The following PCCA variants were observed in gnomAD, a reference collection of about 807,000 sequenced individuals.
PCCA encodes propionyl-CoA carboxylase alpha chain, mitochondrial.
PCCA carries 74 observed loss-of-function variants against 101.3 expected under a neutral mutation model. The ratio of observed to expected loss-of-function variants is 0.73; its 90% confidence interval spans 0.61 to 0.89. The LOEUF is 0.89. Ranked by LOEUF, PCCA falls within the 40% of genes least tolerant of loss-of-function variation. The probability of loss-of-function intolerance (pLI) is 0.00; values close to 1 mark genes in which losing one functional copy is unlikely to be tolerated. For synonymous variants in PCCA, 294 were observed against 313.6 expected, an observed-to-expected ratio of 0.94 and a Z score of 0.66; for missense variants, 891 against 907.0, an observed-to-expected ratio of 0.98 and a Z score of 0.23.
chr13:100,270,506 A>G (rs751836774), intron 11 of PCCA, among the ~76,000 whole-genome samples: 17 of 152,204 alleles, frequency 1.1e-4, no homozygotes, highest in Non-Finnish European at 2.1e-4. Context: ...GGAACCTTGA[A>G]TCATAAAATG....
At chr13:100,420,084 C>T (rs1324394050) in intron 19 of PCCA, among the ~76,000 whole-genome samples, 1 of 152,212 alleles carries the variant, frequency 6.6e-6, no homozygotes, top group Non-Finnish European at 1.5e-5. Context: ...GCAGATTTTA[C>T]TTGTGCCTCA....
At chr13:100,500,662 C>A (rs1404655983) in intron 21 of PCCA, among the ~76,000 whole-genome samples, 2 of 152,120 alleles carry the variant, frequency 1.3e-5, no homozygotes, top group South Asian at 2.1e-4. Context: ...ACTAGAGAGG[C>A]CTTCAGTCTA....
chr13:100,224,005 G>A (rs976930549), intron 7 of PCCA, among the ~76,000 whole-genome samples: 3 of 152,258 alleles, frequency 2.0e-5, no homozygotes, highest in African/African-American at 7.2e-5. Context: ...ATCCCGCACC[G>A]GGGCTGCAGG....
chr13:100,318,439 G>A (rs910472662), intron 16 of PCCA, among the ~76,000 whole-genome samples: 4 of 151,560 alleles, frequency 2.6e-5, no homozygotes, highest in Admixed American at 6.6e-5. Flanking sequence ...CCATTAACTC[G>A]TCATTTACAT....
At chr13:100,529,917 A>G (rs1383736080) in intron 23 of PCCA, among the ~76,000 whole-genome samples, 181 bp from the exon 24 acceptor site, 2 of 151,820 alleles carry the variant, frequency 1.3e-5, no homozygotes, top group South Asian at 2.1e-4. Context: ...CACGGCCACC[A>G]TGGCGCCTCC....
intron 17 of PCCA, among the ~76,000 whole-genome samples, chr13:100,332,870 A>C (rs900239564): frequency 1.6e-4 from 24 of 152,190 alleles, no homozygotes; most frequent in African/African-American, 5.8e-4. Flanking sequence ...TGCAGCCTTC[A>C]TTTTACATGT....
intron 21 of PCCA, among the ~76,000 whole-genome samples, chr13:100,484,237 C>T (rs1032151427): frequency 6.6e-6 from 1 of 152,074 alleles, no homozygotes. Context: ...GTTTATGATC[C>T]TTAAGCTGAA....
Position 100,117,894 on chromosome 13 carries a change from A to G in PCCA, c.300+5833A>G, listed in dbSNP as rs971384283. 2.0e-5 allele frequency among the ~76,000 whole-genome samples: 3 copies of G among 152,074 alleles called. No individual in the cohort carries two copies. The South Asian group carries it at 6.2e-4, about 31-fold the overall frequency. On this transcript the variant is annotated intron_variant, in intron 4 of 23. Coordinates refer to ENST00000376285, the MANE Select transcript of PCCA (RefSeq NM_000282.4). The stretch of plus-strand genomic sequence containing the variant: ...CACTTTGGGAGGCTGAGGCGGGCAG[A>G]TCATGAGGGCAGGAGATCGAGACCA...
intron 21 of PCCA, among the ~76,000 whole-genome samples, chr13:100,487,731 A>C (rs1450052345): frequency 6.6e-6 from 1 of 151,882 alleles, no homozygotes; most frequent in Admixed American, 6.6e-5. Flanking sequence ...CCTTTTAATT[A>C]ATTTATTTTT....
At chr13:100,126,096 C>G (rs1212278849) in intron 4 of PCCA, among the ~76,000 whole-genome samples, 1 of 152,122 alleles carries the variant, frequency 6.6e-6, no homozygotes, top group African/African-American at 2.4e-5. Flanking sequence ...CATGCTGATT[C>G]ATTATTATCT....
chr13:100,098,155 A>G (rs2046946677), intron 1 of PCCA, among the ~76,000 whole-genome samples: 1 of 152,030 alleles, frequency 6.6e-6, no homozygotes, highest in African/African-American at 2.4e-5. Flanking sequence ...TGTGCCTGTG[A>G]GTAGTCACTG....
chr13:100,514,672 C>T (rs17196645), intron 21 of PCCA, among the ~76,000 whole-genome samples: 39,116 of 152,014 alleles, frequency 0.26, 5,708 homozygotes, highest in Middle Eastern at 0.39. Flanking sequence ...TAAATATGCC[C>T]GATTGTTTGA....
chr13:100,401,707 TAAGTGCTACCAAAA>T (rs1312030986), intron 19 of PCCA, among the ~76,000 whole-genome samples: 2 of 152,194 alleles, frequency 1.3e-5, no homozygotes, highest in Non-Finnish European at 2.9e-5. Flanking sequence ...CAATTTCTGG[TAAGTGCTACCAAAA>T]CCAATATATA....
chr13:100,270,252 A>G (rs2063219184), intron 11 of PCCA, among the ~76,000 whole-genome samples: 1 of 152,098 alleles, frequency 6.6e-6, no homozygotes, highest in African/African-American at 2.4e-5. Flanking sequence ...TTAGACACTT[A>G]GCTAGGGAGA....
At chr13:100,327,489 A>G (rs1445180259) in intron 16 of PCCA, among the ~76,000 whole-genome samples, 2 of 152,194 alleles carry the variant, frequency 1.3e-5, no homozygotes, top group Non-Finnish European at 1.5e-5. Flanking sequence ...GGAGATTTAA[A>G]TTGTTTCCAG....
intron 2 of PCCA, among the ~76,000 whole-genome samples, chr13:100,103,243 C>T (rs1283167642): frequency 1.3e-5 from 2 of 151,900 alleles, no homozygotes; most frequent in Non-Finnish European, 2.9e-5. Flanking sequence ...ACTAAGAAAA[C>T]ATTTGTTCTT....
chr13:100,510,314 A>C (rs1332049840), intron 21 of PCCA, among the ~76,000 whole-genome samples: 2 of 152,212 alleles, frequency 1.3e-5, no homozygotes, highest in African/African-American at 2.4e-5. Flanking sequence ...CAATTAGCAC[A>C]GTGATTTATA....
intron 21 of PCCA, among the ~76,000 whole-genome samples, chr13:100,502,632 C>T (rs1049371997): frequency 6.6e-6 from 1 of 152,176 alleles, no homozygotes; most frequent in Admixed American, 6.5e-5. Context: ...TTGGCAGTTA[C>T]TTTTGGCATT....
At chr13:100,285,808 T>C (rs1164654484) in intron 12 of PCCA, among the ~76,000 whole-genome samples, 1 of 152,218 alleles carries the variant, frequency 6.6e-6, no homozygotes, top group Admixed American at 6.5e-5. Context: ...TAACTAATCC[T>C]GACCTTAACC....
Sources: allele counts gnomAD v4.1 joint callset (sites outside exome capture counted in the v4.1 genomes callset), GRCh38; gene constraint gnomAD v4.1.1; transcripts MANE v1.5; gene names NCBI Gene and HGNC (gene_info 2026-07-23, HGNC 2026-07-21).